Variants in TLE4 observed in about 807,000 individuals in gnomAD.
TLE4 encodes the protein TLE family member 4, transcriptional corepressor.
A neutral mutation model predicts 92.8 loss-of-function variants in TLE4; 8 were observed. That is an observed-to-expected ratio of 0.09 (90% CI 0.05 to 0.16). TLE4 has a LOEUF of 0.16. Ranked by LOEUF, TLE4 falls within the 10% of genes least tolerant of loss-of-function variation. The pLI is 1.00. For missense variants in TLE4, 675 were observed against 997.6 expected, an observed-to-expected ratio of 0.68 and a Z score of 4.36; for synonymous variants, 371 against 374.1, an observed-to-expected ratio of 0.99 and a Z score of 0.10.
At chr9:79,595,509 T>C (rs1023080672) in intron 4 of TLE4, among the ~76,000 whole-genome samples, 1 of 152,250 alleles carries the variant, frequency 6.6e-6, no homozygotes. Context: ...AACTAGCTAC[T>C]TTCTGCTTTA....
At position 79,627,730 on chromosome 9, in the gene TLE4, C is replaced by G. The variant is rs188063890; in HGVS notation, c.390+282C>G. 4.1e-3 allele frequency: 1,513 copies of G among 373,268 alleles called. 6 individuals carry two copies. The highest frequency in any genetic ancestry group is 8.6e-3 in the Admixed American group (196 of 22,796). The allele number at this position is 373,268 out of a possible 1,614,324, so 23.1% of individuals were successfully genotyped here. A position where few individuals can be genotyped will look rare whatever the true frequency, so the allele number is the denominator to read the frequency against. ...TTTGCTTTGCAATCAGCTTGTGTTGCTAACCTAGGCCAAAAAAAAAAAGAG... is the reference window on the plus strand; with the variant it reads ...TTTGCTTTGCAATCAGCTTGTGTTGGTAACCTAGGCCAAAAAAAAAAAGAG... On this transcript the variant is annotated intron_variant, in intron 6 of 19. Transcript: ENST00000376552.
intron 8 of TLE4, among the ~76,000 whole-genome samples, chr9:79,698,372 G>A (rs2068827541): frequency 6.6e-6 from 1 of 152,176 alleles, no homozygotes. Context: ...CAGTAGAGAA[G>A]CAGAGACAAA....
intron 6 of TLE4, among the ~76,000 whole-genome samples, chr9:79,648,746 C>A (rs2058477695): frequency 6.6e-6 from 1 of 152,150 alleles, no homozygotes; most frequent in African/African-American, 2.4e-5. Flanking sequence ...AGAAGGATAA[C>A]AAATTGTTGA....
intron 4 of TLE4, among the ~76,000 whole-genome samples, chr9:79,584,396 AG>A (rs1205394982): frequency 2.0e-5 from 3 of 152,190 alleles, no homozygotes; most frequent in Non-Finnish European, 4.4e-5. Context: ...TATAAAGCCA[AG>A]GTCCACTTTT....
intron 8 of TLE4, among the ~76,000 whole-genome samples, chr9:79,700,385 C>T (rs760298440): frequency 4.6e-5 from 7 of 152,136 alleles, no homozygotes; most frequent in Non-Finnish European, 7.4e-5. Context: ...AAGTCTTTCT[C>T]ATACATTGTC....
intron 4 of TLE4, among the ~76,000 whole-genome samples, chr9:79,582,909 G>T (rs545694889): frequency 6.6e-6 from 1 of 152,120 alleles, no homozygotes; most frequent in Non-Finnish European, 1.5e-5. Flanking sequence ...TTACGCATGG[G>T]CAATGGAGTA....
chr9:79,708,934 C>T (rs1257681614), intron 13 of TLE4, 148 bp downstream of exon 13: 1 of 946,660 alleles, frequency 1.1e-6, no homozygotes. Flanking sequence ...TGGGCTTAAG[C>T]GATCCTCCCA....
At chr9:79,576,256 TTTA>T (rs2037718532) in intron 4 of TLE4, 79 bp downstream of exon 4, 1 of 1,129,536 alleles carries the variant, frequency 8.9e-7, no homozygotes, top group African/African-American at 1.6e-5. Flanking sequence ...GTTTTGCAGT[TTTA>T]TTCTGCAAGC....
chr9:79,643,882 A>T (rs549795196), intron 6 of TLE4, among the ~76,000 whole-genome samples: 36 of 152,288 alleles, frequency 2.4e-4, no homozygotes, highest in South Asian at 1.0e-3. Context: ...TTTCAAATTA[A>T]TATTCTGTAA....
rs562612916 is a variant in TLE4, at chr9:79,688,168, C to T, written c.610-16615C>T. ...AAGGTCACAGTATACTTCGTGCTGT[C>T]CTATAGTGCTTATAAGGACCTGCCA... On this transcript the variant is annotated intron_variant, in intron 8 of 19. Coordinates refer to ENST00000376552, the MANE Select transcript of TLE4 (RefSeq NM_007005.6). Among the ~76,000 whole-genome samples the T allele has an allele frequency of 1.8e-4, 28 of 152,260 alleles. No homozygotes were observed. In the South Asian group the frequency reaches 5.8e-3, roughly 32 times the overall value.
chr9:79,714,573 C>T (rs1565153814), intron 14 of TLE4, among the ~76,000 whole-genome samples: 2 of 152,330 alleles, frequency 1.3e-5, no homozygotes, highest in South Asian at 2.1e-4. Flanking sequence ...TCTTTAAAAA[C>T]CCATCTCTAT....
intron 8 of TLE4, among the ~76,000 whole-genome samples, chr9:79,678,833 C>T (rs1204356087): frequency 2.0e-5 from 3 of 148,398 alleles, no homozygotes; most frequent in Non-Finnish European, 3.0e-5. Context: ...CATGTGTTCT[C>T]GTTGTTCAAT....
intron 8 of TLE4, among the ~76,000 whole-genome samples, chr9:79,661,987 C>T (rs1025996558): frequency 1.3e-5 from 2 of 152,182 alleles, no homozygotes; most frequent in Non-Finnish European, 2.9e-5. Context: ...ACAACACACA[C>T]ATACATGTAA....
At chr9:79,635,580 T>G (rs924643656) in intron 6 of TLE4, among the ~76,000 whole-genome samples, 49 of 152,064 alleles carry the variant, frequency 3.2e-4, no homozygotes, top group Admixed American at 4.6e-4. Flanking sequence ...GAGGTTTTTT[T>G]TTTTTTTTCC....
At chr9:79,706,512 G>A (rs188266042) in intron 10 of TLE4, among the ~76,000 whole-genome samples, 6 of 151,436 alleles carry the variant, frequency 4.0e-5, no homozygotes, top group Admixed American at 3.9e-4. Context: ...TTTGCAGATG[G>A]GTGGGGTTTT....
At chr9:79,610,675 T>TTG (rs1588043577) in intron 4 of TLE4, among the ~76,000 whole-genome samples, 3 of 152,136 alleles carry the variant, frequency 2.0e-5, no homozygotes, top group African/African-American at 4.8e-5. Flanking sequence ...CCCGTTTCTG[T>TTG]TGTGTGTGTG....
intron 5 of TLE4, among the ~76,000 whole-genome samples, chr9:79,613,702 G>T (rs2048875292): frequency 6.6e-6 from 1 of 152,128 alleles, no homozygotes; most frequent in South Asian, 2.1e-4. Context: ...TCAGGAGAGA[G>T]GTTCATTCAC....
intron 6 of TLE4, among the ~76,000 whole-genome samples, chr9:79,633,325 T>C (rs1334658225): frequency 1.3e-5 from 2 of 152,168 alleles, no homozygotes; most frequent in African/African-American, 4.8e-5. Context: ...GGAAGAAATT[T>C]CTAGAAGCCA....
chr9:79,603,034 AT>A (rs2046010010), intron 4 of TLE4, among the ~76,000 whole-genome samples: 1 of 152,166 alleles, frequency 6.6e-6, no homozygotes, highest in Non-Finnish European at 1.5e-5. Context: ...ATGTGACTGA[AT>A]TGCTGCAATC....
Sources: gnomAD v4.1 joint callset for allele counts (sites outside exome capture counted in the v4.1 genomes callset) on GRCh38, gnomAD v4.1.1 for gene constraint, MANE v1.5 for transcripts, NCBI Gene and HGNC (gene_info 2026-07-23, HGNC 2026-07-21) for gene names.